Variants in ARHGAP32 observed in about 807,000 individuals in gnomAD.
ARHGAP32 encodes Rho GTPase activating protein 32, also known as rho GTPase-activating protein 32.
ARHGAP32 carries 51 observed loss-of-function variants against 186.5 expected under a neutral mutation model. The ratio of observed to expected loss-of-function variants is 0.27; its 90% CI spans 0.22 to 0.35. ARHGAP32 has a LOEUF of 0.35. Among genes scored for constraint, ARHGAP32 ranks in the 10% least tolerant of loss-of-function variants. ARHGAP32 has a pLI of 1.00. For missense variants in ARHGAP32, 2,186 were observed against 2,623.5 expected, an observed-to-expected ratio of 0.83 and a Z score of 3.64; for synonymous variants, 950 against 964.3, an observed-to-expected ratio of 0.99 and a Z score of 0.27.
At chr11:129,039,870 G>A (rs1017194816) in intron 11 of ARHGAP32, among the ~76,000 whole-genome samples, 1 of 152,082 alleles carries the variant, frequency 6.6e-6, no homozygotes, top group Non-Finnish European at 1.5e-5. Context: ...GCTTCAAAAA[G>A]AACTGAGAAT....
At chr11:129,209,616 T>C (rs890771882) in intron 1 of ARHGAP32, among the ~76,000 whole-genome samples, 5 of 151,732 alleles carry the variant, frequency 3.3e-5, no homozygotes, top group Non-Finnish European at 7.4e-5. Flanking sequence ...GGCAAAGCCA[T>C]CATTTTTCTC....
intron 1 of ARHGAP32, among the ~76,000 whole-genome samples, chr11:129,179,746 A>G (rs1944008095): frequency 6.6e-6 from 1 of 151,428 alleles, no homozygotes; most frequent in South Asian, 2.1e-4. Context: ...CTGAACAATG[A>G]GAACACATGG....
At chr11:129,174,751 C>T (rs1694192112) in intron 1 of ARHGAP32, among the ~76,000 whole-genome samples, 1 of 152,120 alleles carries the variant, frequency 6.6e-6, no homozygotes, top group Non-Finnish European at 1.5e-5. Context: ...AGAAGGAAAA[C>T]TAACAAACAG....
intron 5 of ARHGAP32, among the ~76,000 whole-genome samples, chr11:129,097,124 A>T (rs974233092): frequency 2.6e-5 from 4 of 152,040 alleles, no homozygotes; most frequent in Admixed American, 2.6e-4. Flanking sequence ...AAAAAAAAAA[A>T]TCACAAGGCA....
intron 6 of ARHGAP32, among the ~76,000 whole-genome samples, chr11:129,069,202 A>T (rs1940792896): frequency 6.6e-6 from 1 of 152,090 alleles, no homozygotes. Flanking sequence ...ACCTATACAG[A>T]TGCTGAATAT....
chr11:128,985,009 T>TA (rs1444656381), intron 15 of ARHGAP32, among the ~76,000 whole-genome samples: 9 of 152,136 alleles, frequency 5.9e-5, no homozygotes, highest in Admixed American at 5.9e-4. Flanking sequence ...TGATAAACAT[T>TA]AAACAGAAAC....
At chr11:129,226,274 C>T (rs942139447) in intron 1 of ARHGAP32, among the ~76,000 whole-genome samples, 2 of 152,118 alleles carry the variant, frequency 1.3e-5, no homozygotes, top group African/African-American at 4.8e-5. Flanking sequence ...GCATTAAAAT[C>T]TGTATATCCA....
chr11:129,172,452 A>G (rs1943788084), intron 1 of ARHGAP32, among the ~76,000 whole-genome samples: 1 of 151,578 alleles, frequency 6.6e-6, no homozygotes, highest in Non-Finnish European at 1.5e-5. Flanking sequence ...TTGGTTCTGA[A>G]GTCTACAGAA....
intron 10 of ARHGAP32, among the ~76,000 whole-genome samples, chr11:129,050,192 C>A (rs892301559): frequency 3.4e-4 from 51 of 152,212 alleles, no homozygotes; most frequent in Admixed American, 3.3e-3. Flanking sequence ...AATTCTTCCA[C>A]ATCCTTGCAA....
chr11:129,122,244 A>C (rs1233955670), intron 5 of ARHGAP32, among the ~76,000 whole-genome samples: 2 of 152,060 alleles, frequency 1.3e-5, no homozygotes, highest in African/African-American at 4.8e-5. Flanking sequence ...GACTGTTTTT[A>C]GATCTCTAGC....
At chr11:129,035,300 T>C (rs940863596) in intron 11 of ARHGAP32, among the ~76,000 whole-genome samples, 12 of 152,202 alleles carry the variant, frequency 7.9e-5, no homozygotes, top group Admixed American at 2.0e-4. Flanking sequence ...AACATATTAA[T>C]AACATTTAAG....
intron 1 of ARHGAP32, among the ~76,000 whole-genome samples, chr11:129,277,823 T>C (rs1298293747): frequency 1.3e-5 from 2 of 152,194 alleles, no homozygotes; most frequent in Non-Finnish European, 2.9e-5. Flanking sequence ...AACACAACAT[T>C]GAGTACTTGA....
chr11:129,270,275 A>G (rs1334553200), intron 1 of ARHGAP32, among the ~76,000 whole-genome samples: 1 of 152,236 alleles, frequency 6.6e-6, no homozygotes, highest in African/African-American at 2.4e-5. Context: ...AAGAGGCTAC[A>G]TACTCTATGA....
chr11:129,229,243 C>T (rs1944826053), intron 1 of ARHGAP32, among the ~76,000 whole-genome samples: 1 of 152,088 alleles, frequency 6.6e-6, no homozygotes, highest in Admixed American at 6.5e-5. Flanking sequence ...AACTTACTAA[C>T]CTCACATACT....
chr11:129,179,800 G>A (rs894701814), intron 1 of ARHGAP32, among the ~76,000 whole-genome samples: 1 of 151,854 alleles, frequency 6.6e-6, no homozygotes, highest in Non-Finnish European at 1.5e-5. Context: ...GTTGTGGGGT[G>A]GGGGGACGGG....
intron 12 of ARHGAP32, among the ~76,000 whole-genome samples, chr11:128,997,959 T>G (rs962438837): frequency 6.6e-6 from 1 of 152,202 alleles, no homozygotes; most frequent in Admixed American, 6.5e-5. Context: ...TGACAGTTTT[T>G]TTTCCATAAG....
At chr11:129,148,291 A>G (rs933184061) in intron 2 of ARHGAP32, among the ~76,000 whole-genome samples, 2 of 152,232 alleles carry the variant, frequency 1.3e-5, no homozygotes, top group Admixed American at 6.5e-5. Context: ...CTGAGTTCCC[A>G]AAGTATGAGA....
intron 2 of ARHGAP32, among the ~76,000 whole-genome samples, chr11:129,156,020 C>T (rs545723235): frequency 6.6e-5 from 10 of 152,248 alleles, no homozygotes; most frequent in Non-Finnish European, 1.5e-4. Flanking sequence ...GGGACTGTGC[C>T]GTGAGAAGAC....
At chr11:129,064,152 ACCATTTACTGGGTAGT>A in intron 8 of ARHGAP32, 128 bp from the exon 9 acceptor site, 13 of 713,542 alleles carry the variant, frequency 1.8e-5, no homozygotes, top group Non-Finnish European at 2.7e-5. Context: ...AAAAAAAACT[ACCATTTACTGGGTAGT>A]AAAAATATGC....
Sources: gnomAD v4.1 joint callset for allele counts (sites outside exome capture counted in the v4.1 genomes callset) on GRCh38, gnomAD v4.1.1 for gene constraint, MANE v1.5 for transcripts, NCBI Gene and HGNC (gene_info 2026-07-23, HGNC 2026-07-21) for gene names.